Variants in EPB41L4A observed in about 807,000 individuals in gnomAD.
EPB41L4A encodes erythrocyte membrane protein band 4.1 like 4A.
Under a neutral mutation model 108.6 loss-of-function variants are expected in EPB41L4A, and 100 were observed. The ratio of observed to expected loss-of-function variants is 0.92; its 90% CI spans 0.78 to 1.09. The LOEUF is 1.09. Among genes scored for constraint, EPB41L4A ranks in the 50% least tolerant of loss-of-function variants. EPB41L4A has a pLI of 0.00. For missense variants in EPB41L4A, 1,030 were observed against 842.7 expected, an observed-to-expected ratio of 1.22 and a Z score of -2.75; for synonymous variants, 319 against 289.0, an observed-to-expected ratio of 1.10 and a Z score of -1.05.
chr5:112,378,196 T>C (rs1488018677), intron 1 of EPB41L4A, among the ~76,000 whole-genome samples: 5 of 152,194 alleles, frequency 3.3e-5, no homozygotes, highest in Non-Finnish European at 7.4e-5. Flanking sequence ...ATACTCCTGG[T>C]ATTTCCCAGC....
chr5:112,151,204 C>T lies in EPB41L4A; in HGVS notation n.995-5206G>A, dbSNP rs764871986. Among the ~76,000 whole-genome samples, 11 of 151,420 alleles carry T rather than the reference C, an allele frequency of 7.3e-5. No individual in the cohort carries two copies. The East Asian group carries it at 7.7e-4, about 11-fold the overall frequency. On this transcript the variant is annotated intron_variant and non_coding_transcript_variant, in intron 12 of 13. Transcript: ENST00000507810. Reference sequence around the variant, plus strand: ...AATGATGATCAAAGAAGTGGTAACCCGTAAAAAAAGTATTTAATGACTATA... The same window carrying T: ...AATGATGATCAAAGAAGTGGTAACCTGTAAAAAAAGTATTTAATGACTATA...
At chr5:112,345,284 T>C (rs1288755947) in intron 1 of EPB41L4A, among the ~76,000 whole-genome samples, 2 of 152,210 alleles carry the variant, frequency 1.3e-5, no homozygotes, top group African/African-American at 4.8e-5. Flanking sequence ...GCAATTACAT[T>C]TGTAAGTCTT....
intron 1 of EPB41L4A, among the ~76,000 whole-genome samples, chr5:112,387,120 C>T (rs1760599966): frequency 6.6e-6 from 1 of 152,206 alleles, no homozygotes; most frequent in Admixed American, 6.5e-5. Flanking sequence ...CCTAAGAATT[C>T]TGCTCAAAAC....
chr5:112,259,366 T>C, intron 8 of EPB41L4A, 74 bp from the exon 9 acceptor site: 1 of 1,264,670 alleles, frequency 7.9e-7, no homozygotes, highest in Non-Finnish European at 1.2e-6. Flanking sequence ...AAGTATCCAG[T>C]GGAAAAAGAC....
chr5:112,250,309 G>A (rs1464325809), intron 9 of EPB41L4A, among the ~76,000 whole-genome samples: 1 of 152,072 alleles, frequency 6.6e-6, no homozygotes, highest in African/African-American at 2.4e-5. Flanking sequence ...TCGTATTCCA[G>A]TAAACTTTGA....
rs1250325689 is a variant in EPB41L4A, at chr5:112,264,966, C to G, written c.484G>C (p.Glu162Gln). ...PYKHTAGYVSEYRFVPDQKEE... is the reference protein window; with the variant it reads ...PYKHTAGYVSQYRFVPDQKEE... The stretch of plus-strand genomic sequence containing the variant: ...TTCTGATCAGGAACAAACCGGTACT[C>G]AGATACATATCCTGCAGTATGTTTA... The change falls in exon 6 of 23, where the codon GAG becomes CAG. Residue 162 changes from glutamate to glutamine, a missense_variant. Glu to Gln is a conservative substitution (Grantham distance 29, BLOSUM62 2). Transcript: ENST00000261486. The G allele has an allele frequency of 6.2e-6, 10 of 1,611,630 alleles. No homozygotes were observed. The highest frequency in any genetic ancestry group is 2.2e-5 in the East Asian group (1 of 44,704).
chr5:112,401,752 G>A (rs1161906448), intron 1 of EPB41L4A, among the ~76,000 whole-genome samples: 1 of 152,096 alleles, frequency 6.6e-6, no homozygotes, highest in Non-Finnish European at 1.5e-5. Flanking sequence ...CTCTTCCATG[G>A]AGACGAGATT....
intron 2 of EPB41L4A, among the ~76,000 whole-genome samples, chr5:112,292,478 G>A (rs1753711756): frequency 6.6e-6 from 1 of 152,102 alleles, no homozygotes; most frequent in Non-Finnish European, 1.5e-5. Flanking sequence ...GTCCAGAAGG[G>A]AAAGTAGGTA....
chr5:112,280,270 A>G lies in EPB41L4A; in HGVS notation c.256+2T>C, dbSNP rs1752880963. The G allele has an allele frequency of 3.1e-6, 5 of 1,613,380 alleles. No homozygotes were observed. The highest frequency in any genetic ancestry group is 4.5e-5 in the East Asian group (2 of 44,866). ...TTAACAAAGTAAAAGCTAAATACCTACTGTTGATCAGTTCTTTGTGTTCAG... is the reference window on the plus strand; with the variant it reads ...TTAACAAAGTAAAAGCTAAATACCTGCTGTTGATCAGTTCTTTGTGTTCAG... On this transcript the variant is annotated splice_donor_variant, in intron 3 of 22. Coordinates refer to ENST00000261486, the MANE Select transcript of EPB41L4A (RefSeq NM_022140.5). LOFTEE classifies it high-confidence loss of function.
intron 4 of EPB41L4A, among the ~76,000 whole-genome samples, chr5:112,272,445 T>C (rs187534989): frequency 0.02 from 2,511 of 124,716 alleles, 61 homozygotes; most frequent in African/African-American, 0.06. Context: ...CTGGCCCTAA[T>C]TTTTTTAAAA....
In EPB41L4A at chr5:112,168,801, G is replaced by A. The variant is rs1240583181; in HGVS notation, c.1870C>T (p.Pro624Ser). The A allele has an allele frequency of 6.2e-7, 1 of 1,614,006 alleles. No individual in the cohort carries two copies. The highest frequency in any genetic ancestry group is 2.2e-5 in the East Asian group (1 of 44,878). ...GAAGAACGGGTCACCGGAAGTGGTG[G>A]TACAAGATCTGTTTTTGAACTGCAG... ...SEVNSKTDLV[P>S]PLPVTRSSDA... The change falls in exon 22 of 23, where the codon CCA (proline) becomes TCA (serine). Residue 624 changes from proline (P) to serine (S), a missense_variant. Physicochemically the swap from Pro to Ser is moderately conservative, Grantham distance 74 (BLOSUM62 -1). Coordinates refer to ENST00000261486, the MANE Select transcript of EPB41L4A (RefSeq NM_022140.5).
intron 1 of EPB41L4A, among the ~76,000 whole-genome samples, chr5:112,360,423 A>G (rs376113): frequency 0.66 from 100,705 of 151,472 alleles, 33,613 homozygotes; most frequent in South Asian, 0.82. Flanking sequence ...GCAGGCGCGC[A>G]CCGCCACGCC....
chr5:112,294,481 T>C (rs1003699365), intron 2 of EPB41L4A, among the ~76,000 whole-genome samples: 9 of 152,084 alleles, frequency 5.9e-5, no homozygotes, highest in African/African-American at 1.9e-4. Context: ...TATTATTCAA[T>C]AGACACAAAC....
intron 13 of EPB41L4A, among the ~76,000 whole-genome samples, chr5:112,144,846 T>C (rs1380437787): frequency 6.6e-6 from 1 of 152,158 alleles, no homozygotes; most frequent in African/African-American, 2.4e-5. Flanking sequence ...CTTGTGCCCA[T>C]GCCCCACTTG....
In EPB41L4A at chr5:112,346,216, ATTTTTTTTTTT is replaced by A. The variant is rs561328868; in HGVS notation, c.100-38737_100-38727del. Among the ~76,000 whole-genome samples, 102 of 67,358 alleles carry A rather than the reference ATTTTTTTTTTT, an allele frequency of 1.5e-3. 3 individuals carry two copies. The Middle Eastern group carries it at 0.058, about 38-fold the overall frequency. 44.2% of individuals were successfully genotyped at this position (67,358 alleles called of 152,430 possible). A position where few individuals can be genotyped will look rare whatever the true frequency, so the allele number is the denominator to read the frequency against. ...AATTCTTTAAAGTTAGGTACATTGC[ATTTTTTTTTTT>A]TTTTTTTTTTTTTTTTGAGAAGGAG... On this transcript the variant is annotated intron_variant, in intron 1 of 22. Transcript: ENST00000261486.
At chr5:112,403,282 G>A (rs1250063139) in intron 1 of EPB41L4A, among the ~76,000 whole-genome samples, 1 of 146,086 alleles carries the variant, frequency 6.8e-6, no homozygotes, top group South Asian at 2.2e-4. Context: ...TTCTTGGTTC[G>A]TTGAACAAAG....
intron 2 of EPB41L4A, among the ~76,000 whole-genome samples, chr5:112,288,329 A>G (rs1366953411): frequency 6.6e-6 from 1 of 152,234 alleles, no homozygotes; most frequent in Non-Finnish European, 1.5e-5. Flanking sequence ...AAACTTTTAG[A>G]AGAATTATAC....
At chr5:112,412,312 C>A (rs1450790735) in intron 1 of EPB41L4A, among the ~76,000 whole-genome samples, 1 of 152,222 alleles carries the variant, frequency 6.6e-6, no homozygotes, top group Non-Finnish European at 1.5e-5. Context: ...TTTATGTCTT[C>A]AGCGATCATT....
intron 1 of EPB41L4A, among the ~76,000 whole-genome samples, chr5:112,374,952 A>G (rs1276993006): frequency 2.0e-5 from 3 of 152,182 alleles, no homozygotes; most frequent in Non-Finnish European, 2.9e-5. Flanking sequence ...TTCAACATTC[A>G]GGTTCTCTTT....
Sources: allele counts gnomAD v4.1 joint callset (sites outside exome capture counted in the v4.1 genomes callset), GRCh38; gene constraint gnomAD v4.1.1; transcripts MANE v1.5; gene names NCBI Gene and HGNC (gene_info 2026-07-23, HGNC 2026-07-21).